The following SAXO4 variants were observed in gnomAD, a reference collection of about 807,000 sequenced individuals.
The protein encoded by SAXO4 is protein phosphatase 1 regulatory subunit 32.
the SAXO4 span, chr11:61,490,820 C>T: frequency 4.2e-5 from 24 of 570,008 alleles, no homozygotes; most frequent in Middle Eastern, 4.7e-4. Context: ...ACAGGTTTGT[C>T]AATCCTAGGG....
At chr11:61,481,463 C>T in the SAXO4 span, among the ~76,000 whole-genome samples, 1 of 152,138 alleles carries the variant, frequency 6.6e-6, no homozygotes, top group Admixed American at 6.5e-5. Flanking sequence ...TAGTCAAACA[C>T]CTAGGTCTGA....
chr11:61,482,676 C>T, the SAXO4 span: 1 of 1,614,088 alleles, frequency 6.2e-7, no homozygotes, highest in Non-Finnish European at 8.5e-7. Flanking sequence ...AGGACCATTT[C>T]CAGTCTGTGG....
the SAXO4 span, chr11:61,490,722 G>C: frequency 4.1e-6 from 3 of 734,018 alleles, no homozygotes; most frequent in African/African-American, 3.5e-5. Flanking sequence ...GACAGATCAG[G>C]GGGCCTCTCA....
At chr11:61,487,200 C>A in the SAXO4 span, 8 of 1,613,916 alleles carry the variant, frequency 5.0e-6, no homozygotes, top group Non-Finnish European at 6.8e-6. Flanking sequence ...CCCCTGTGAT[C>A]CTGACAGGGA....
the SAXO4 span, chr11:61,490,376 T>C: frequency 1.2e-6 from 1 of 828,332 alleles, no homozygotes; most frequent in African/African-American, 1.7e-5. Context: ...AGAATGTTTG[T>C]GGCTTGGCTG....
chr11:61,484,801 G>A, the SAXO4 span: 3 of 1,599,522 alleles, frequency 1.9e-6, no homozygotes, highest in Admixed American at 1.7e-5. Context: ...CGCTGGAGCG[G>A]GAGAACTTCC....
the SAXO4 span, chr11:61,490,656 C>CTGGG: frequency 7.2e-7 from 1 of 1,385,112 alleles, no homozygotes; most frequent in South Asian, 1.2e-5. Context: ...AGCCCTGCCT[C>CTGGG]TCAAGCCCTG....
the SAXO4 span, among the ~76,000 whole-genome samples, chr11:61,488,327 T>TG: frequency 7.6e-6 from 1 of 131,002 alleles, no homozygotes; most frequent in Non-Finnish European, 1.6e-5. Flanking sequence ...TTTTTTAAGA[T>TG]GGAGTCTCTC....
chr11:61,482,168 C>T, the SAXO4 span: 1 of 726,568 alleles, frequency 1.4e-6, no homozygotes, highest in Non-Finnish European at 2.3e-6. Context: ...CCTGAAAGGG[C>T]AGGCTTGCAA....
At chr11:61,483,328 G>A in the SAXO4 span, among the ~76,000 whole-genome samples, 11 of 151,742 alleles carry the variant, frequency 7.2e-5, no homozygotes, top group Admixed American at 5.2e-4. Context: ...CACCACACCC[G>A]GCTAATATTT....
At chr11:61,486,848 C>A in the SAXO4 span, 2 of 1,036,184 alleles carry the variant, frequency 1.9e-6, no homozygotes, top group South Asian at 1.3e-5. Context: ...GGGCTGTGGA[C>A]AGGTCACAGC....
the SAXO4 span, chr11:61,485,379 CAG>C: frequency 1.2e-6 from 2 of 1,614,058 alleles, no homozygotes; most frequent in Non-Finnish European, 8.5e-7. Context: ...CCAAGTATCT[CAG>C]GGACCCTCTA....
chr11:61,482,413 A>G, the SAXO4 span: 2 of 1,613,898 alleles, frequency 1.2e-6, no homozygotes, highest in Non-Finnish European at 1.7e-6. Context: ...GAGGCCTTAG[A>G]CAACCCGGCC....
chr11:61,485,096 C>T, the SAXO4 span, among the ~76,000 whole-genome samples: 2 of 152,222 alleles, frequency 1.3e-5, no homozygotes, highest in Non-Finnish European at 2.9e-5. Flanking sequence ...GCCCCCCACT[C>T]ATTACCAGGA....
chr11:61,489,475 A>G, the SAXO4 span: 12 of 556,638 alleles, frequency 2.2e-5, no homozygotes, highest in Admixed American at 2.4e-4. Context: ...ATGGAAGGAA[A>G]GTTAAGTGCC....
At chr11:61,485,901 C>A in the SAXO4 span, 22 of 1,612,884 alleles carry the variant, frequency 1.4e-5, no homozygotes, top group African/African-American at 2.8e-4. Context: ...CAGGCCCTCC[C>A]TGGGGACCCT....
the SAXO4 span, chr11:61,486,475 G>T: frequency 9.3e-6 from 15 of 1,612,238 alleles, no homozygotes; most frequent in East Asian, 1.8e-4. Flanking sequence ...GGAAGGTGGT[G>T]GGGGAGGCAG....
the SAXO4 span, chr11:61,482,625 C>T: frequency 6.2e-7 from 1 of 1,613,502 alleles, no homozygotes; most frequent in Non-Finnish European, 8.5e-7. Flanking sequence ...AGGCAGGCGG[C>T]CTGGGGTTCT....
the SAXO4 span, chr11:61,481,844 C>T: frequency 1.3e-6 from 2 of 1,543,328 alleles, no homozygotes; most frequent in Non-Finnish European, 1.7e-6. Flanking sequence ...GTCGTCTCCC[C>T]TTATGTGAAG....
Sources: gnomAD v4.1 joint callset for allele counts (sites outside exome capture counted in the v4.1 genomes callset) on GRCh38, gnomAD v4.1.1 for gene constraint, MANE v1.5 for transcripts, NCBI Gene and HGNC (gene_info 2026-07-23, HGNC 2026-07-21) for gene names.